The following CADPS variants were observed in gnomAD, a reference collection of about 807,000 sequenced individuals.
CADPS encodes calcium-dependent secretion activator 1.
CADPS carries 57 observed loss-of-function variants against 167.3 expected under a neutral mutation model. The ratio of observed to expected loss-of-function variants is 0.34; its 90% CI spans 0.28 to 0.42. CADPS has a LOEUF of 0.42. Ranked by LOEUF, CADPS falls within the 20% of genes least tolerant of loss-of-function variation. The pLI, the probability that CADPS is intolerant of heterozygous loss-of-function variation, is 1.00. For missense variants in CADPS, 1,414 were observed against 1,738.1 expected, an observed-to-expected ratio of 0.81 and a Z score of 3.32; for synonymous variants, 676 against 635.3, an observed-to-expected ratio of 1.06 and a Z score of -0.96.
At chr3:62,543,797 G>T (rs749394362) in intron 11 of CADPS, among the ~76,000 whole-genome samples, 1 of 151,962 alleles carries the variant, frequency 6.6e-6, no homozygotes, top group African/African-American at 2.4e-5. Context: ...TTCTAACTCC[G>T]TCTAACGTCA....
At chr3:62,674,798 T>C (rs1245399852) in intron 3 of CADPS, among the ~76,000 whole-genome samples, 1 of 152,208 alleles carries the variant, frequency 6.6e-6, no homozygotes, top group Non-Finnish European at 1.5e-5. Flanking sequence ...TTCTTATTTG[T>C]TGGACTATAT....
rs1325959277 is a variant in CADPS, at chr3:62,451,371, C to T, written c.3637-5574G>A. On this transcript the variant is annotated intron_variant, in intron 26 of 29. Coordinates refer to ENST00000383710, the MANE Select transcript of CADPS (RefSeq NM_003716.4). ...CATTGTGCAGCTTTGATAGGGAGCG[C>T]GGCAGGGGCTTAAACCACTTCTTTT... Among the ~76,000 whole-genome samples, 8 of 151,854 alleles carry T rather than the reference C, an allele frequency of 5.3e-5. No homozygotes were observed. In the East Asian group the frequency reaches 7.7e-4, roughly 15 times the overall value.
chr3:62,578,699 C>G (rs2082811876), intron 8 of CADPS, among the ~76,000 whole-genome samples: 1 of 150,714 alleles, frequency 6.6e-6, no homozygotes, highest in Non-Finnish European at 1.5e-5. Flanking sequence ...CAAAACCAGA[C>G]AGAACTACAA....
At chr3:62,818,716 A>G (rs1351779453) in intron 1 of CADPS, among the ~76,000 whole-genome samples, 2 of 152,186 alleles carry the variant, frequency 1.3e-5, no homozygotes, top group African/African-American at 4.8e-5. Flanking sequence ...GCACAGAAAA[A>G]CGTATATGAG....
intron 26 of CADPS, 94 bp from the exon 27 acceptor site, chr3:62,445,891 T>C (rs1011582737): frequency 2.5e-6 from 2 of 806,756 alleles, no homozygotes; most frequent in Non-Finnish European, 3.6e-6. Flanking sequence ...CAAAACAACA[T>C]GCTGGCACAT....
rs982539559 is a variant in CADPS, at chr3:62,749,615, G to A, written c.888+3826C>T. ...TTGCTACTGTGAGTTGATAAGAGTT[G>A]TGCAGAGCTGAGTGTAGTCTGCCAG... On this transcript the variant is annotated intron_variant, in intron 3 of 29. Transcript: ENST00000383710. 4.6e-5 allele frequency among the ~76,000 whole-genome samples: 7 copies of A among 152,308 alleles called. No homozygotes were observed. The South Asian group carries it at 1.2e-3, about 27-fold the overall frequency.
chr3:62,872,237 C>T (rs2082762074), intron 1 of CADPS, among the ~76,000 whole-genome samples: 1 of 152,192 alleles, frequency 6.6e-6, no homozygotes, highest in Admixed American at 6.6e-5. Context: ...TGGCTTTAAA[C>T]TTTACCACAG....
At chr3:62,483,197 A>G (rs1302210572) in intron 21 of CADPS, among the ~76,000 whole-genome samples, 1 of 151,564 alleles carries the variant, frequency 6.6e-6, no homozygotes, top group Non-Finnish European at 1.5e-5. Context: ...TGGATCTTGC[A>G]GGAGAAGAGC....
At chr3:62,418,849 C>G (rs1575740126) in intron 28 of CADPS, among the ~76,000 whole-genome samples, 1 of 152,088 alleles carries the variant, frequency 6.6e-6, no homozygotes. Context: ...AAAATTAGAT[C>G]TGTGCTTGCC....
chr3:62,862,416 C>T (rs2080977387), intron 1 of CADPS, among the ~76,000 whole-genome samples: 1 of 151,874 alleles, frequency 6.6e-6, no homozygotes, highest in African/African-American at 2.4e-5. Flanking sequence ...AGGGTTTCAC[C>T]ACGTTGGCCA....
chr3:62,642,326 G>T (rs2067594321), intron 6 of CADPS, among the ~76,000 whole-genome samples: 1 of 152,154 alleles, frequency 6.6e-6, no homozygotes, highest in Non-Finnish European at 1.5e-5. Context: ...TTCAGAAGAT[G>T]AATAGGGCAG....
At chr3:62,681,206 G>A (rs1260572819) in intron 3 of CADPS, among the ~76,000 whole-genome samples, 1 of 152,016 alleles carries the variant, frequency 6.6e-6, no homozygotes, top group Non-Finnish European at 1.5e-5. Context: ...GTTAGCACCT[G>A]CCATCCTTCT....
chr3:62,552,293 G>A (rs2077438353), intron 10 of CADPS, among the ~76,000 whole-genome samples: 1 of 151,594 alleles, frequency 6.6e-6, no homozygotes, highest in African/African-American at 2.4e-5. Context: ...ACGAGTTAAT[G>A]GGTGCAGCAC....
At position 62,478,456 on chromosome 3, in the gene CADPS, G is replaced by A; in HGVS notation, c.3174-40C>T. ...ATTAGAAAATGAGAGTCACCCACTG[G>A]CCTCAGGCTCTACAAAAACTAACAC... On this transcript the variant is annotated intron_variant, in intron 22 of 29. Transcript: ENST00000383710. This position sits in a 1 kb window ranked among gnomAD's most constrained non-coding sequence, Gnocchi z 5.7. 6.3e-7 allele frequency: 1 copy of A among 1,580,736 alleles called. No individual in the cohort carries two copies. Among genetic ancestry groups the A allele is most frequent in the South Asian group, 1.1e-5 (1 of 87,860 alleles).
chr3:62,841,259 C>A (rs11925708), intron 1 of CADPS, among the ~76,000 whole-genome samples: 56,974 of 151,944 alleles, frequency 0.37, 11,030 homozygotes, highest in Middle Eastern at 0.56. Flanking sequence ...AAACAAACAA[C>A]AGAAGTCCAC....
At chr3:62,827,228 A>G (rs958759097) in intron 1 of CADPS, among the ~76,000 whole-genome samples, 3 of 152,194 alleles carry the variant, frequency 2.0e-5, no homozygotes, top group Non-Finnish European at 4.4e-5. Flanking sequence ...AGAAGTCTGA[A>G]AATGGGATGT....
intron 1 of CADPS, among the ~76,000 whole-genome samples, chr3:62,826,869 G>T (rs946166492): frequency 6.6e-6 from 1 of 152,140 alleles, no homozygotes; most frequent in African/African-American, 2.4e-5. Context: ...CCTTGAAAGG[G>T]GTGGACAGGT....
At chr3:62,730,401 T>A (rs2886894) in intron 3 of CADPS, among the ~76,000 whole-genome samples, 11,757 of 152,232 alleles carry the variant, frequency 0.077, 594 homozygotes, top group Non-Finnish European at 0.11. Context: ...CATCGAATTA[T>A]CCAGCTGAAA....
intron 1 of CADPS, among the ~76,000 whole-genome samples, chr3:62,871,796 A>C (rs965978180): frequency 6.6e-6 from 1 of 152,204 alleles, no homozygotes; most frequent in Non-Finnish European, 1.5e-5. Context: ...ATTGTAACCC[A>C]TGTCCCATAC....
Sources: gnomAD v4.1 joint callset for allele counts (sites outside exome capture counted in the v4.1 genomes callset) on GRCh38, gnomAD v4.1.1 for gene constraint, Gnocchi (gnomAD v3.1) non-coding constraint, MANE v1.5 for transcripts, NCBI Gene and HGNC (gene_info 2026-07-23, HGNC 2026-07-21) for gene names.